RFX6: variants seen among roughly 807,000 people sequenced by gnomAD.
The protein encoded by RFX6 is DNA-binding protein RFX6.
Under a neutral mutation model 110.8 loss-of-function variants are expected in RFX6, and 50 were observed. That is an observed-to-expected ratio of 0.45 (90% CI 0.36 to 0.57). The LOEUF is 0.57. RFX6 is among the 20% of genes least tolerant of loss of function. The probability of loss-of-function intolerance (pLI) is 0.00; values close to 1 mark genes in which losing one functional copy is unlikely to be tolerated. For missense variants in RFX6, 990 were observed against 1,127.0 expected (o/e 0.88, Z 1.74); for synonymous variants, 383 against 411.2 (o/e 0.93, Z 0.83).
intron 6 of RFX6, among the ~76,000 whole-genome samples, chr6:116,909,348 T>A (rs1023304788): frequency 1.3e-5 from 2 of 152,160 alleles, no homozygotes; most frequent in Middle Eastern, 3.2e-3. Flanking sequence ...AAATTTTTGT[T>A]ATGCTTATCC....
Position 116,920,450 on chromosome 6 carries a change from T to C in RFX6, c.1323T>C (p.Thr441=). 6.2e-7 allele frequency: 1 copy of C among 1,613,052 alleles called. No individual in the cohort carries two copies. Among genetic ancestry groups the C allele is most frequent in the Admixed American group, 1.7e-5 (1 of 60,004 alleles). ...CAGACACTGAATCTGGTATCTACAC[T>C]GAACGTAAGTCCATTCTCTTTGTTT... ...GSTDTESGIY[T]EHDSITVFQE... Residue 441 remains threonine (T), a synonymous_variant, in exon 12 of 19, where the codon ACT becomes ACC. Coordinates refer to ENST00000332958, the MANE Select transcript of RFX6 (RefSeq NM_173560.4).
At chr6:116,912,187 G>T (rs970891515) in intron 7 of RFX6, among the ~76,000 whole-genome samples, 7 of 152,100 alleles carry the variant, frequency 4.6e-5, no homozygotes, top group African/African-American at 1.7e-4. Flanking sequence ...TACTGCTGGG[G>T]AAGGGGGAAG....
Position 116,916,258 on chromosome 6 carries a change from C to A in RFX6, c.916C>A (p.Leu306Ile), listed in dbSNP as rs766916989. Residue 306 changes from leucine (L) to isoleucine (I), a missense_variant, in exon 9 of 19, where the codon CTC becomes ATC. Transcript: ENST00000332958. Reference protein sequence around the residue: ...QGMPDHLLPLLENPVIIDIFC... With the variant: ...QGMPDHLLPLIENPVIIDIFC... ...AATGCCTGACCATCTCCTTCCCCTG[C>A]TCGAAAATCCTGTTATCATTGATAT... is the stretch of plus-strand genomic sequence containing the variant. 4.3e-6 allele frequency: 7 copies of A among 1,612,668 alleles called. No homozygotes were observed. In the East Asian group the frequency reaches 1.6e-4, roughly 36 times the overall value.
chr6:116,928,577 A>G (rs920915565), intron 17 of RFX6, among the ~76,000 whole-genome samples, 182 bp from the exon 18 acceptor site: 5 of 152,212 alleles, frequency 3.3e-5, no homozygotes, highest in African/African-American at 4.8e-5. Context: ...AACACAAAAA[A>G]CAGCACAGTA....
At chr6:116,919,027 T>C in intron 10 of RFX6, 110 bp from the exon 11 acceptor site, 1 of 1,030,392 alleles carries the variant, frequency 9.7e-7, no homozygotes. Context: ...CTGTCTGACT[T>C]CAAAAGTACT....
chr6:116,895,641 T>G (rs1774927534), intron 6 of RFX6, among the ~76,000 whole-genome samples: 1 of 132,586 alleles, frequency 7.5e-6, no homozygotes, highest in Non-Finnish European at 1.6e-5. Flanking sequence ...TTTACTACTT[T>G]GTGTACACAC....
At chr6:116,881,050 T>A (rs1306414808) in intron 3 of RFX6, among the ~76,000 whole-genome samples, 1 of 152,078 alleles carries the variant, frequency 6.6e-6, no homozygotes, top group Admixed American at 6.6e-5. Context: ...TCCAAATATA[T>A]GAGTTTTTAA....
At chr6:116,892,238 C>A (rs1226282870) in intron 4 of RFX6, among the ~76,000 whole-genome samples, 1 of 152,246 alleles carries the variant, frequency 6.6e-6, no homozygotes, top group African/African-American at 2.4e-5. Context: ...CTGCCACAGT[C>A]CTGCCCTTAG....
chr6:116,903,794 G>T (rs1349999998), intron 6 of RFX6, among the ~76,000 whole-genome samples: 32 of 151,846 alleles, frequency 2.1e-4, no homozygotes. Flanking sequence ...TATTTGTACT[G>T]CTGTATAATA....
At chr6:116,902,582 A>G (rs1177109159) in intron 6 of RFX6, among the ~76,000 whole-genome samples, 3 of 152,068 alleles carry the variant, frequency 2.0e-5, no homozygotes, top group East Asian at 3.9e-4. Flanking sequence ...CTCCCCATCA[A>G]AGAAAGCTTT....
At position 116,924,772 on chromosome 6, in the gene RFX6, C is replaced by A; in HGVS notation, c.1659C>A (p.Asp553Glu). 6.3e-7 allele frequency: 1 copy of A among 1,586,446 alleles called. No individual in the cohort carries two copies. The highest frequency in any genetic ancestry group is 8.7e-7 in the Non-Finnish European group (1 of 1,154,858). ...DKEQELQNLLDKYMKNSDASK... is the reference protein window; with the variant it reads ...DKEQELQNLLEKYMKNSDASK... ...AGCAGGAGTTACAGAATTTATTGGA[C>A]AAGTATATGAAGAATTCAGGTAACT... Residue 553 changes from aspartate (D) to glutamate (E), a missense_variant, in exon 15 of 19, where the codon GAC (aspartate) becomes GAA (glutamate). Physicochemically the swap from Asp to Glu is conservative, Grantham distance 45. Transcript: ENST00000332958.
At chr6:116,926,087 C>A (rs903692361) in intron 16 of RFX6, among the ~76,000 whole-genome samples, 1 of 152,018 alleles carries the variant, frequency 6.6e-6, no homozygotes, top group African/African-American at 2.4e-5. Context: ...GAGGCCGAGG[C>A]GAGCAGAGCA....
intron 12 of RFX6, among the ~76,000 whole-genome samples, 200 bp from the exon 13 acceptor site, chr6:116,921,842 C>A (rs930237948): frequency 2.0e-5 from 3 of 151,884 alleles, no homozygotes; most frequent in Non-Finnish European, 4.4e-5. Flanking sequence ...CACACACACA[C>A]CATTGAAGAG....
intron 4 of RFX6, among the ~76,000 whole-genome samples, chr6:116,886,824 G>A (rs915465586): frequency 1.3e-5 from 2 of 152,138 alleles, no homozygotes; most frequent in Non-Finnish European, 2.9e-5. Context: ...CAGCACTTTG[G>A]GAGGCTGAGA....
Position 116,882,569 on chromosome 6 carries a change from GA to G in RFX6, c.566+154del, listed in dbSNP as rs34335008. The G allele has an allele frequency of 0.35, 157,532 of 445,408 alleles. 9,344 individuals are homozygous for G. The highest frequency in any genetic ancestry group is 0.4 in the South Asian group (13,091 of 32,372). The allele number at this position is 445,408 out of a possible 1,614,324, so 27.6% of individuals were successfully genotyped here. A position where few individuals can be genotyped will look rare whatever the true frequency, so the allele number is the denominator to read the frequency against. Reference sequence around the variant, plus strand: ...CAGACTTTTATCAACTGTGAGAACTGAAAAAAAAAAAAAGATTTTAGAATAA... The same window carrying G: ...CAGACTTTTATCAACTGTGAGAACTGAAAAAAAAAAAAGATTTTAGAATAA... On this transcript the variant is annotated intron_variant, in intron 4 of 18. Transcript: ENST00000332958.
intron 6 of RFX6, among the ~76,000 whole-genome samples, chr6:116,908,669 T>TACACACACAC (rs753592440): frequency 5.4e-4 from 55 of 102,384 alleles, no homozygotes; most frequent in African/African-American, 1.8e-3. Context: ...ATTTCTAGCA[T>TACACACACAC]ACACACACAC....
intron 5 of RFX6, 77 bp from the exon 6 acceptor site, chr6:116,895,103 T>G: frequency 1.3e-6 from 1 of 778,242 alleles, no homozygotes. Flanking sequence ...TACTGCTTCT[T>G]TAGGTTGTCT....
At chr6:116,928,730 C>G (rs1775809601) in intron 17 of RFX6, 29 bp from the exon 18 acceptor site, 1 of 1,538,996 alleles carries the variant, frequency 6.5e-7, no homozygotes, top group African/African-American at 1.4e-5. Flanking sequence ...AGTAAGTTAA[C>G]AGCAAATTCT....
chr6:116,891,900 A>G (rs760295840), intron 4 of RFX6, among the ~76,000 whole-genome samples: 1 of 151,890 alleles, frequency 6.6e-6, no homozygotes, highest in Non-Finnish European at 1.5e-5. Flanking sequence ...CCTTTGTTCC[A>G]TTATACCTTA....
Sources: gnomAD v4.1 joint callset for allele counts (sites outside exome capture counted in the v4.1 genomes callset) on GRCh38, gnomAD v4.1.1 for gene constraint, MANE v1.5 for transcripts, NCBI Gene and HGNC (gene_info 2026-07-23, HGNC 2026-07-21) for gene names.